Variants in MIIP observed in about 807,000 individuals in gnomAD.
The protein encoded by MIIP is migration and invasion inhibitory protein, also known as migration and invasion-inhibitory protein.
In MIIP, 44 loss-of-function variants were observed where a neutral mutation model predicts 44.8. That is an observed-to-expected ratio of 0.98 (90% CI 0.77 to 1.26). The LOEUF is 1.26. MIIP is among the 50% of genes most tolerant of loss of function. The pLI, the probability that MIIP is intolerant of heterozygous loss-of-function variation, is 0.00. For synonymous variants in MIIP, 225 were observed against 218.3 expected (o/e 1.03, Z -0.27); for missense variants, 496 against 511.7 (o/e 0.97, Z 0.30).
intron 8 of MIIP, 90 bp from the exon 9 acceptor site, chr1:12,031,175 TG>T: frequency 2.1e-6 from 3 of 1,460,722 alleles, no homozygotes; most frequent in African/African-American, 1.4e-5. Flanking sequence ...TCCTTCCTAA[TG>T]GGGGGCACAG....
chr1:12,028,426 T>C (rs1287575455), intron 4 of MIIP, among the ~76,000 whole-genome samples: 1 of 152,148 alleles, frequency 6.6e-6, no homozygotes, highest in East Asian at 1.9e-4. Context: ...CCTCGCTGCC[T>C]TCCTGCCACT....
intron 1 of MIIP, among the ~76,000 whole-genome samples, chr1:12,021,187 G>C (rs1022627334): frequency 1.3e-5 from 2 of 151,970 alleles, no homozygotes; most frequent in Non-Finnish European, 2.9e-5. Flanking sequence ...AAGGTCATGA[G>C]ATCGAGACCA....
In MIIP at chr1:12,029,056, A is replaced by G; in HGVS notation, c.571A>G (p.Ile191Val). ...AGGGTCTCTGGACACCAGCTCTTCC[A>G]TCACCAGCCAGCCTGAGGCCTTCTT... ...IAGSLDTSSS[I>V]TSQPEAFFSK... The change falls in exon 5 of 10, where the codon ATC (isoleucine) becomes GTC (valine). Residue 191 changes from isoleucine to valine, a missense_variant. Ile to Val is a conservative substitution (Grantham distance 29). Coordinates refer to ENST00000235332, the MANE Select transcript of MIIP (RefSeq NM_021933.4). 1 of 1,614,110 alleles carries G rather than the reference A, an allele frequency of 6.2e-7. No homozygotes were observed. The highest frequency in any genetic ancestry group is 1.1e-5 in the South Asian group (1 of 91,082).
chr1:12,030,231 C>T (rs1015382001), intron 8 of MIIP, 107 bp downstream of exon 8: 12 of 1,057,254 alleles, frequency 1.1e-5, no homozygotes, highest in Admixed American at 8.2e-5. Flanking sequence ...CAAGGGTGAG[C>T]GCCCAAGTCT....
In MIIP at chr1:12,029,091, G is replaced by A. The variant is rs891058090; in HGVS notation, c.606G>A (p.Leu202=). 11 of 1,614,200 alleles carry A rather than the reference G, an allele frequency of 6.8e-6. No individual in the cohort carries two copies. Among genetic ancestry groups the A allele is most frequent in the Non-Finnish European group, 9.3e-6 (11 of 1,180,028 alleles). ...TSQPEAFFSK[L]QEFRETNKEE... is the part of the protein sequence containing the mutation. Reference sequence around the variant, plus strand: ...AGCCTGAGGCCTTCTTCTCCAAGCTGCAGGAGTTTCGGGAAACCAACAAGG... The same window carrying A: ...AGCCTGAGGCCTTCTTCTCCAAGCTACAGGAGTTTCGGGAAACCAACAAGG... Residue 202 remains leucine (L), a synonymous_variant, in exon 5 of 10, where the codon CTG becomes CTA. Coordinates refer to ENST00000235332, the MANE Select transcript of MIIP (RefSeq NM_021933.4).
At chr1:12,020,116 C>T (rs1036255481) in intron 1 of MIIP, among the ~76,000 whole-genome samples, 4 of 152,152 alleles carry the variant, frequency 2.6e-5, no homozygotes, top group African/African-American at 7.2e-5. Context: ...CCCCACACTT[C>T]CAGGGAAAGG....
chr1:12,029,787 C>T lies in MIIP; in HGVS notation c.738C>T (p.Asn246=). The change falls in exon 7 of 10, where the codon AAC becomes AAT. Residue 246 remains asparagine (N), a synonymous_variant. Coordinates refer to ENST00000235332, the MANE Select transcript of MIIP (RefSeq NM_021933.4). Reference sequence around the variant, plus strand: ...CAGGCGTGTACTGTTACCGTGTCAACCGGCGCCTGTTCCCGGTGCCTGTGG... The same window carrying T: ...CAGGCGTGTACTGTTACCGTGTCAATCGGCGCCTGTTCCCGGTGCCTGTGG... ...DHECVYCYRV[N]RRLFPVPVDP... The T allele has an allele frequency of 1.2e-6, 2 of 1,613,288 alleles. No individual in the cohort carries two copies. Among genetic ancestry groups the T allele is most frequent in the South Asian group, 1.1e-5 (1 of 91,004 alleles).
intron 4 of MIIP, among the ~76,000 whole-genome samples, chr1:12,023,245 G>A (rs1453986313): frequency 1.4e-5 from 2 of 146,362 alleles, no homozygotes; most frequent in Non-Finnish European, 3.0e-5. Flanking sequence ...TGTATTTTAA[G>A]TAGAGATGGG....
intron 4 of MIIP, 43 bp downstream of exon 4, chr1:12,022,960 G>T: frequency 6.7e-7 from 1 of 1,496,406 alleles, no homozygotes. Flanking sequence ...CCTGGGAGTG[G>T]GAGGTGGAGG....
Position 12,029,267 on chromosome 1 carries a change from AG to A in MIIP, c.703del (p.Glu235LysfsTer49). On this transcript the variant is annotated frameshift_variant, in exon 6 of 10. Coordinates refer to ENST00000235332, the MANE Select transcript of MIIP (RefSeq NM_021933.4). LOFTEE classifies it high-confidence loss of function. The part of the protein sequence containing the change: ...GLRESSGSGV[E>X]EDHECVYCYR... ...CGTGAGAGCAGTGGCAGCGGCGTGG[AG>A]GAAGACCATGAATGTGAGTGCGGGC... The A allele has an allele frequency of 3.1e-6, 5 of 1,613,392 alleles. No individual in the cohort carries two copies. Among genetic ancestry groups the A allele is most frequent in the Non-Finnish European group, 4.2e-6 (5 of 1,179,826 alleles).
chr1:12,023,030 A>T, intron 4 of MIIP, 113 bp downstream of exon 4: 1 of 679,820 alleles, frequency 1.5e-6, no homozygotes, highest in Non-Finnish European at 2.4e-6. Flanking sequence ...TGTTTCTCTG[A>T]CCGTGCCATC....
chr1:12,020,196 G>C (rs1202949023), intron 1 of MIIP, among the ~76,000 whole-genome samples: 1 of 152,206 alleles, frequency 6.6e-6, no homozygotes, highest in Admixed American at 6.5e-5. Context: ...CTTGCTAGCT[G>C]TGTGACTTGG....
chr1:12,027,503 G>A (rs578165239), intron 4 of MIIP, among the ~76,000 whole-genome samples: 25 of 152,162 alleles, frequency 1.6e-4, no homozygotes, highest in South Asian at 1.0e-3. Flanking sequence ...CTTGCTTCCC[G>A]GTTCTCCCCC....
Position 12,029,206 on chromosome 1 carries a change from C to G in MIIP, c.657-17C>G. 6.2e-7 allele frequency: 1 copy of G among 1,613,610 alleles called. No individual in the cohort carries two copies. The highest frequency in any genetic ancestry group is 8.5e-7 in the Non-Finnish European group (1 of 1,179,818). ...CGGCTCCATCCCCCGGCCTGCTCAT[C>G]CCCCTCGCCCTCTCAGACCCCAGTT... On this transcript the variant is annotated splice_polypyrimidine_tract_variant and intron_variant, in intron 5 of 9. Coordinates refer to ENST00000235332, the MANE Select transcript of MIIP (RefSeq NM_021933.4).
intron 4 of MIIP, 118 bp downstream of exon 4, chr1:12,023,035 G>T: frequency 1.4e-6 from 1 of 696,012 alleles, no homozygotes; most frequent in Non-Finnish European, 2.4e-6. Flanking sequence ...CTCTGACCGT[G>T]CCATCCTCCG....
chr1:12,023,670 G>A (rs1039246443), intron 4 of MIIP, among the ~76,000 whole-genome samples: 2 of 148,450 alleles, frequency 1.3e-5, no homozygotes, highest in South Asian at 4.2e-4. Context: ...GAGCCACCAT[G>A]CCCGGCTTTT....
In MIIP at chr1:12,030,055, G is replaced by A; in HGVS notation, c.873G>A (p.Glu291=). 2.5e-6 allele frequency: 4 copies of A among 1,613,532 alleles called. No homozygotes were observed. Among genetic ancestry groups the A allele is most frequent in the Non-Finnish European group, 3.4e-6 (4 of 1,179,932 alleles). The stretch of plus-strand genomic sequence containing the variant: ...TGAGCATCCCGCTGTCGATCCTGGA[G>A]CCCCCGCACCGGTACCACATCCACC... ...VRVSIPLSIL[E]PPHRYHIHRR... is the part of the protein sequence containing the mutation. Residue 291 remains glutamate, a synonymous_variant, in exon 8 of 10, where the codon GAG becomes GAA. Coordinates refer to ENST00000235332, the MANE Select transcript of MIIP (RefSeq NM_021933.4).
At chr1:12,028,993 C>T in intron 4 of MIIP, 40 bp from the exon 5 acceptor site, 1 of 1,536,322 alleles carries the variant, frequency 6.5e-7, no homozygotes, top group Non-Finnish European at 9.0e-7. Flanking sequence ...CAGCCCCCAG[C>T]CCCTCTCCCG....
Position 12,025,439 on chromosome 1 carries a change from A to G in MIIP, c.547+2522A>G, listed in dbSNP as rs1227438777. ...ATGTTGTTTATCTGTTCATTCAGGG[A>G]TGGACACTTGGGTGCTTTCCATCTC... On this transcript the variant is annotated intron_variant, in intron 4 of 9. Transcript: ENST00000235332. 9.2e-5 allele frequency among the ~76,000 whole-genome samples: 14 copies of G among 152,212 alleles called. No homozygotes were observed. In the South Asian group the frequency reaches 1.2e-3, roughly 14 times the overall value.
Sources: gnomAD v4.1 joint callset for allele counts (sites outside exome capture counted in the v4.1 genomes callset) on GRCh38, gnomAD v4.1.1 for gene constraint, MANE v1.5 for transcripts, NCBI Gene and HGNC (gene_info 2026-07-23, HGNC 2026-07-21) for gene names.